The following RBFOX1 variants were observed in gnomAD, a reference collection of about 807,000 sequenced individuals.
RBFOX1 encodes the protein RNA binding protein fox-1 homolog 1.
In RBFOX1, 8 loss-of-function variants were observed where a neutral mutation model predicts 57.7. The observed-to-expected ratio is 0.14, with a 90% CI of 0.08 to 0.25. The LOEUF is 0.25. Among genes scored for constraint, RBFOX1 ranks in the 10% least tolerant of loss-of-function variants. The pLI is 1.00. For missense variants in RBFOX1, 611 were observed against 548.5 expected (o/e 1.11, Z -1.14); for synonymous variants, 326 against 222.4 (o/e 1.47, Z -4.15).
At chr16:5,871,755 T>C (rs997956626) in intron 4 of RBFOX1, among the ~76,000 whole-genome samples, 6 of 152,230 alleles carry the variant, frequency 3.9e-5, no homozygotes, top group Non-Finnish European at 7.3e-5. Flanking sequence ...TCATTTCACT[T>C]ACCAGTTGGT....
chr16:6,999,218 T>TC (rs2153629367), intron 3 of RBFOX1, among the ~76,000 whole-genome samples: 1 of 122,998 alleles, frequency 8.1e-6, no homozygotes, highest in Admixed American at 8.2e-5. Flanking sequence ...TTTTATTTAT[T>TC]TTTTTTATTT....
At chr16:5,828,217 A>G (rs943749700) in intron 3 of RBFOX1, among the ~76,000 whole-genome samples, 6 of 152,082 alleles carry the variant, frequency 3.9e-5, no homozygotes, top group African/African-American at 1.4e-4. Context: ...CCACCCATTC[A>G]TCTGTCCATT....
At chr16:6,941,184 A>G (rs763859347) in intron 3 of RBFOX1, among the ~76,000 whole-genome samples, 20 of 151,770 alleles carry the variant, frequency 1.3e-4, no homozygotes, top group Non-Finnish European at 1.9e-4. Flanking sequence ...CTCTCATTCC[A>G]TGCATACATA....
chr16:5,769,978 C>T (rs2053923893), intron 3 of RBFOX1, among the ~76,000 whole-genome samples: 1 of 152,124 alleles, frequency 6.6e-6, no homozygotes, highest in Non-Finnish European at 1.5e-5. Context: ...GACTTGTACT[C>T]CTCTGGCTAA....
At chr16:7,267,483 C>G (rs2095190601) in intron 4 of RBFOX1, among the ~76,000 whole-genome samples, 1 of 152,192 alleles carries the variant, frequency 6.6e-6, no homozygotes, top group Non-Finnish European at 1.5e-5. Context: ...TTGCAGCGAG[C>G]CAAGGTTGCA....
At chr16:5,450,159 C>G (rs928641620) in intron 1 of RBFOX1, among the ~76,000 whole-genome samples, 3 of 152,202 alleles carry the variant, frequency 2.0e-5, no homozygotes, top group Non-Finnish European at 2.9e-5. Context: ...GTCTCTCTCA[C>G]AGGCAGGATT....
At chr16:6,983,199 C>T (rs540219103) in intron 3 of RBFOX1, among the ~76,000 whole-genome samples, 3 of 152,122 alleles carry the variant, frequency 2.0e-5, no homozygotes, top group South Asian at 2.1e-4. Context: ...GGGTAGTACT[C>T]ATCCTCTGAC....
chr16:6,023,125 C>T (rs1454812042), intron 1 of RBFOX1, among the ~76,000 whole-genome samples: 1 of 152,042 alleles, frequency 6.6e-6, no homozygotes, highest in Non-Finnish European at 1.5e-5. Flanking sequence ...ATCTTGCTGT[C>T]CGTAGAACGT....
At chr16:5,440,223 T>C (rs530229631) in intron 1 of RBFOX1, among the ~76,000 whole-genome samples, 4 of 152,348 alleles carry the variant, frequency 2.6e-5, no homozygotes, top group Non-Finnish European at 5.9e-5. Context: ...CCCACAGCCC[T>C]GGTAATTCTA....
At chr16:6,742,129 A>G (rs2154183537) in intron 3 of RBFOX1, among the ~76,000 whole-genome samples, 1 of 152,318 alleles carries the variant, frequency 6.6e-6, no homozygotes, top group East Asian at 1.9e-4. Flanking sequence ...TCAATTTTAA[A>G]ATGTCAAAGA....
chr16:6,670,771 G>T (rs555005486), intron 3 of RBFOX1, among the ~76,000 whole-genome samples: 3 of 152,116 alleles, frequency 2.0e-5, no homozygotes, highest in African/African-American at 7.2e-5. Context: ...GCCGAGCTGG[G>T]TGGATCACAA....
intron 7 of RBFOX1, among the ~76,000 whole-genome samples, chr16:7,589,912 G>GTGTGTGT (rs2094347069): frequency 7.4e-6 from 1 of 134,946 alleles, no homozygotes. Context: ...GTGTGTGCTG[G>GTGTGTGT]GTGTGTGTGT....
chr16:5,491,636 T>C (rs370411966), intron 2 of RBFOX1, among the ~76,000 whole-genome samples: 2 of 152,224 alleles, frequency 1.3e-5, no homozygotes, highest in African/African-American at 4.8e-5. Context: ...TACGTAGTGT[T>C]CATGTGCCTT....
At chr16:6,052,250 T>C (rs2095559757) in intron 1 of RBFOX1, among the ~76,000 whole-genome samples, 2 of 152,102 alleles carry the variant, frequency 1.3e-5, no homozygotes, top group South Asian at 4.1e-4. Context: ...CCCTAACTCT[T>C]CTTACTTCGT....
intron 3 of RBFOX1, among the ~76,000 whole-genome samples, chr16:6,781,192 A>C (rs992376605): frequency 6.6e-6 from 1 of 152,082 alleles, no homozygotes; most frequent in African/African-American, 2.4e-5. Context: ...ATAGGGACAT[A>C]GTGTTTGGTC....
intron 3 of RBFOX1, among the ~76,000 whole-genome samples, chr16:5,774,929 C>T (rs575964793): frequency 3.3e-5 from 5 of 152,254 alleles, no homozygotes; most frequent in African/African-American, 1.2e-4. Flanking sequence ...GTGATCCACC[C>T]ACTTCGGCCT....
At chr16:6,330,585 C>G (rs1296261784) in intron 2 of RBFOX1, among the ~76,000 whole-genome samples, 1 of 152,194 alleles carries the variant, frequency 6.6e-6, no homozygotes, top group Admixed American at 6.5e-5. Flanking sequence ...TTCATTCATT[C>G]AACAAGTACA....
At chr16:6,851,732 T>C (rs1603632344) in intron 3 of RBFOX1, among the ~76,000 whole-genome samples, 1 of 151,952 alleles carries the variant, frequency 6.6e-6, no homozygotes, top group East Asian at 1.9e-4. Context: ...ATTCAGAGCA[T>C]GATTTGATAA....
intron 2 of RBFOX1, among the ~76,000 whole-genome samples, chr16:6,572,611 T>C (rs1367252114): frequency 2.6e-5 from 4 of 152,058 alleles, no homozygotes; most frequent in African/African-American, 4.8e-5. Flanking sequence ...TTTTTTTTTT[T>C]AGACAGAGTC....
Sources: gnomAD v4.1 joint callset for allele counts (sites outside exome capture counted in the v4.1 genomes callset) on GRCh38, gnomAD v4.1.1 for gene constraint, MANE v1.5 for transcripts, NCBI Gene and HGNC (gene_info 2026-07-23, HGNC 2026-07-21) for gene names.